Variants in STK32C observed in about 807,000 individuals in gnomAD.
The protein encoded by STK32C is serine/threonine-protein kinase 32C.
A neutral mutation model predicts 56.5 loss-of-function variants in STK32C; 31 were observed. The observed-to-expected ratio is 0.55, with a 90% CI of 0.41 to 0.74. The LOEUF (loss-of-function observed/expected upper bound fraction) is 0.74, where lower values mean the gene tolerates loss of function less well. Ranked by LOEUF, STK32C falls within the 30% of genes least tolerant of loss-of-function variation. The pLI is 0.00. For synonymous variants in STK32C, 309 were observed against 289.4 expected, an observed-to-expected ratio of 1.07 and a Z score of -0.69; for missense variants, 544 against 676.9, an observed-to-expected ratio of 0.80 and a Z score of 2.18.
intron 3 of STK32C, 48 bp from the exon 4 acceptor site, chr10:132,227,016 G>A: frequency 6.3e-7 from 1 of 1,597,408 alleles, no homozygotes; most frequent in Non-Finnish European, 8.6e-7. Context: ...TGGGGAGCCA[G>A]TCATGGCTGC....
chr10:132,249,081 C>A, intron 1 of STK32C: 1 of 478,796 alleles, frequency 2.1e-6, no homozygotes, highest in East Asian at 6.2e-5. Flanking sequence ...GCAGAGGCTC[C>A]CAGCTGGGAG....
Position 132,228,180 on chromosome 10 carries a change from G to A in STK32C, c.319-52C>T, listed in dbSNP as rs144273062. Reference sequence around the variant, plus strand: ...GACGCCTGAGGACGCCTGGGGACACGTGGGGACACCTGGAAATGCATGGGG... The same window carrying A: ...GACGCCTGAGGACGCCTGGGGACACATGGGGACACCTGGAAATGCATGGGG... On this transcript the variant is annotated intron_variant, in intron 2 of 11. Coordinates refer to ENST00000298630, the MANE Select transcript of STK32C (RefSeq NM_173575.4). The A allele has an allele frequency of 1.2e-3, 1,891 of 1,612,514 alleles. 11 individuals are homozygous for A. The Middle Eastern group carries it at 0.017, about 14-fold the overall frequency.
At chr10:132,266,020 G>A (rs1259805670) in intron 1 of STK32C, among the ~76,000 whole-genome samples, 2 of 152,172 alleles carry the variant, frequency 1.3e-5, no homozygotes, top group Non-Finnish European at 1.5e-5. Flanking sequence ...TGAAACAGAC[G>A]TCTACCCAAG....
intron 1 of STK32C, among the ~76,000 whole-genome samples, chr10:132,270,130 C>T (rs371550873): frequency 6.6e-6 from 1 of 152,224 alleles, no homozygotes; most frequent in Non-Finnish European, 1.5e-5. Flanking sequence ...AGGAGGAGGC[C>T]GAGAGAGCCC....
Position 132,307,430 on chromosome 10 carries a change from C to T in STK32C, c.262+142G>A, listed in dbSNP as rs2066111984. On this transcript the variant is annotated intron_variant, in intron 1 of 11. Coordinates refer to ENST00000298630, the MANE Select transcript of STK32C (RefSeq NM_173575.4). The surrounding 1 kb of genome is among the most constrained non-coding windows in gnomAD (Gnocchi z 4.4). ...GAACTCGCGTGGGGCCGCAGCCACCCGGCGCGAGCTTCTCCGGAAGCCGGG... is the reference window on the plus strand; with the variant it reads ...GAACTCGCGTGGGGCCGCAGCCACCTGGCGCGAGCTTCTCCGGAAGCCGGG... 1.0e-6 allele frequency: 1 copy of T among 982,686 alleles called. No individual in the cohort carries two copies. Among genetic ancestry groups the T allele is most frequent in the Non-Finnish European group, 1.4e-6 (1 of 735,208 alleles). 60.9% of individuals were successfully genotyped at this position (982,686 alleles called of 1,614,324 possible).
At chr10:132,267,915 G>A (rs1255937418) in intron 1 of STK32C, among the ~76,000 whole-genome samples, 2 of 145,352 alleles carry the variant, frequency 1.4e-5, no homozygotes, top group African/African-American at 2.6e-5. Flanking sequence ...GTGTGTGTCA[G>A]TGCGTGTGCA....
At position 132,295,623 on chromosome 10, in the gene STK32C, C is replaced by T. The variant is rs569349835; in HGVS notation, c.262+11949G>A. 3.9e-5 allele frequency among the ~76,000 whole-genome samples: 6 copies of T among 152,140 alleles called. No individual in the cohort carries two copies. In the South Asian group the frequency reaches 1.2e-3, roughly 32 times the overall value. ...ATTCCAGGCCGGGCGCAGTGGCTCA[C>T]GCTTGTAATCCCAGCACTTCGGGGG... is the stretch of plus-strand genomic sequence containing the variant. On this transcript the variant is annotated intron_variant, in intron 1 of 11. Transcript: ENST00000298630.
In STK32C at chr10:132,222,704, G is replaced by C. The variant is rs1266078870; in HGVS notation, c.1188C>G (p.His396Gln). ...TCTTGGCCAGACGCTTCTTCTTCTT[G>C]TGCAGGGGCCTGGACTCCAGGATCA... ...EEMILESRPLHKKKKRLAKNK... is the reference protein window; with the variant it reads ...EEMILESRPLQKKKKRLAKNK... Residue 396 changes from histidine (H) to glutamine (Q), a missense_variant, in exon 10 of 12, where the codon CAC (histidine) becomes CAG (glutamine). His to Gln is a conservative substitution (Grantham distance 24). This residue lies in a region of STK32C where 277 missense variants were observed against 309.3 expected (regional missense o/e 0.90). Coordinates refer to ENST00000298630, the MANE Select transcript of STK32C (RefSeq NM_173575.4). 1 of 1,612,510 alleles carries C rather than the reference G, an allele frequency of 6.2e-7. No individual in the cohort carries two copies. The highest frequency in any genetic ancestry group is 8.5e-7 in the Non-Finnish European group (1 of 1,179,644).
At chr10:132,228,675 C>T (rs767646623) in intron 2 of STK32C, among the ~76,000 whole-genome samples, 13 of 152,234 alleles carry the variant, frequency 8.5e-5, no homozygotes, top group Non-Finnish European at 1.8e-4. Context: ...GAGCAGCAAG[C>T]AGCCCGGAGG....
intron 3 of STK32C, 116 bp downstream of exon 3, chr10:132,227,861 C>T: frequency 7.5e-7 from 1 of 1,331,796 alleles, no homozygotes. Flanking sequence ...CTGTGGGTGG[C>T]AGAGGCATCT....
At chr10:132,238,829 C>T (rs541561858) in intron 2 of STK32C, among the ~76,000 whole-genome samples, 23 of 152,256 alleles carry the variant, frequency 1.5e-4, no homozygotes, top group African/African-American at 5.1e-4. Flanking sequence ...CAGAGGCATG[C>T]ACACACACGC....
intron 1 of STK32C, among the ~76,000 whole-genome samples, chr10:132,252,424 C>G (rs2063941661): frequency 6.6e-6 from 1 of 152,292 alleles, no homozygotes; most frequent in African/African-American, 2.4e-5. Context: ...CAAGACTGGT[C>G]TGTCACGCTC....
chr10:132,319,109 C>T (rs1286486123), downstream of STK32C, among the ~76,000 whole-genome samples: 6 of 152,100 alleles, frequency 3.9e-5, no homozygotes, highest in South Asian at 4.1e-4. Flanking sequence ...TCATCACACT[C>T]GGCTAGTTTT....
intron 10 of STK32C, among the ~76,000 whole-genome samples, chr10:132,220,309 G>C (rs2062596463): frequency 6.6e-6 from 1 of 152,260 alleles, no homozygotes; most frequent in African/African-American, 2.4e-5. Flanking sequence ...CCGGAGGGTA[G>C]AGGGGCAAGG....
chr10:132,238,781 G>GCA lies in STK32C; in HGVS notation c.318+7117_318+7118dup, dbSNP rs567541137. 8.0e-4 allele frequency among the ~76,000 whole-genome samples: 121 copies of GCA among 151,902 alleles called. 2 individuals carry two copies. The East Asian group carries it at 0.015, about 18-fold the overall frequency. On this transcript the variant is annotated intron_variant, in intron 2 of 11. Transcript: ENST00000298630. ...CACAGTTCATACATGTGCAATGCATGCACACACACACACATACCACATACA... is the reference window on the plus strand; with the variant it reads ...CACAGTTCATACATGTGCAATGCATGCACACACACACACACATACCACATACA...
intron 1 of STK32C, among the ~76,000 whole-genome samples, chr10:132,272,036 A>AAG (rs2064842975): frequency 2.0e-5 from 3 of 152,254 alleles, no homozygotes; most frequent in African/African-American, 7.2e-5. Context: ...AGGACAGACC[A>AAG]GGTGTGCCTG....
At chr10:132,327,601 G>A (rs556152037) in intron 1 of STK32C, among the ~76,000 whole-genome samples, 29 of 151,790 alleles carry the variant, frequency 1.9e-4, no homozygotes, top group South Asian at 1.2e-3. Context: ...TTAGCCACCC[G>A]AGTACCTGGA....
chr10:132,283,410 C>T (rs1034005672), intron 1 of STK32C, among the ~76,000 whole-genome samples: 4 of 152,252 alleles, frequency 2.6e-5, no homozygotes, highest in Admixed American at 2.0e-4. Flanking sequence ...GCGGCAGCCA[C>T]GCCCCCCTCA....
Position 132,281,651 on chromosome 10 carries a change from C to T in STK32C, c.262+25921G>A, listed in dbSNP as rs1364913655. On this transcript the variant is annotated intron_variant, in intron 1 of 11. Coordinates refer to ENST00000298630, the MANE Select transcript of STK32C (RefSeq NM_173575.4). ...TCAGAAATCTTCTATCAGAAAAGGG[C>T]TCCGGTTGGAAAGCACTGTTGCGGA... Among the ~76,000 whole-genome samples the T allele has an allele frequency of 2.6e-5, 4 of 152,224 alleles. No individual in the cohort carries two copies. The East Asian group carries it at 5.8e-4, about 22-fold the overall frequency.
Sources: allele counts gnomAD v4.1 joint callset (sites outside exome capture counted in the v4.1 genomes callset), GRCh38; gene constraint gnomAD v4.1.1; regional missense constraint gnomAD v4.1.1; non-coding constraint Gnocchi (gnomAD v3.1); transcripts MANE v1.5; gene names NCBI Gene and HGNC (gene_info 2026-07-23, HGNC 2026-07-21).